The following CSMD2 variants were observed in gnomAD, a reference collection of about 807,000 sequenced individuals.
CSMD2 encodes CUB and sushi domain-containing protein 2.
A neutral mutation model predicts 398.5 loss-of-function variants in CSMD2; 130 were observed. That is an observed-to-expected ratio of 0.33 (90% CI 0.28 to 0.38). CSMD2 has a LOEUF of 0.38. Ranked by LOEUF, CSMD2 falls within the 10% of genes least tolerant of loss-of-function variation. The probability of loss-of-function intolerance (pLI) is 1.00; values close to 1 mark genes in which losing one functional copy is unlikely to be tolerated. For missense variants in CSMD2, 3,829 were observed against 4,764.9 expected (o/e 0.80, Z 5.78); for synonymous variants, 1,828 against 1,908.5 (o/e 0.96, Z 1.10).
chr1:33,689,084 G>C (rs1645150424), intron 25 of CSMD2, among the ~76,000 whole-genome samples: 1 of 114,988 alleles, frequency 8.7e-6, no homozygotes, highest in East Asian at 2.5e-4. Flanking sequence ...AGGAGGGAAG[G>C]AGAGGAGGAG....
In CSMD2 at chr1:34,024,340, TTCC is replaced by T. The variant is rs771694139; in HGVS notation, c.517+8251_517+8253del. ...GCAGGCAGCTGCGTGAGAATGCTCC[TTCC>T]TCCTCATCACTGTTTCTCCTGACAC... is the stretch of plus-strand genomic sequence containing the variant. On this transcript the variant is annotated intron_variant, in intron 3 of 70. Coordinates refer to ENST00000373381, the MANE Select transcript of CSMD2 (RefSeq NM_001281956.2). 2.6e-5 allele frequency among the ~76,000 whole-genome samples: 4 copies of T among 152,262 alleles called. No individual in the cohort carries two copies. In the East Asian group the frequency reaches 7.7e-4, roughly 29 times the overall value.
At chr1:33,809,249 C>T (rs1251620537) in intron 10 of CSMD2, among the ~76,000 whole-genome samples, 2 of 143,016 alleles carry the variant, frequency 1.4e-5, no homozygotes, top group Non-Finnish European at 3.0e-5. Context: ...ACAGGCCAAG[C>T]TCACTAACAA....
intron 19 of CSMD2, among the ~76,000 whole-genome samples, chr1:33,720,467 G>T (rs1646323781): frequency 6.6e-6 from 1 of 152,180 alleles, no homozygotes; most frequent in South Asian, 2.1e-4. Flanking sequence ...AGGATGAAGG[G>T]CTGGCCAGGC....
At chr1:33,707,718 C>G (rs1645849741) in intron 22 of CSMD2, among the ~76,000 whole-genome samples, 1 of 149,510 alleles carries the variant, frequency 6.7e-6, no homozygotes, top group East Asian at 1.9e-4. Context: ...CACACACACA[C>G]ACACACACAC....
intron 25 of CSMD2, among the ~76,000 whole-genome samples, chr1:33,681,006 G>A (rs1410641894): frequency 8.3e-6 from 1 of 120,632 alleles, no homozygotes; most frequent in Admixed American, 1.2e-4. Context: ...CCCACTATAA[G>A]CTCCGCCTCC....
intron 25 of CSMD2, among the ~76,000 whole-genome samples, chr1:33,678,462 A>G: frequency 6.6e-6 from 1 of 152,164 alleles, no homozygotes; most frequent in East Asian, 1.9e-4. Context: ...TCACCACTGC[A>G]GGAACACAAT....
chr1:33,583,571 A>C, intron 47 of CSMD2, 71 bp downstream of exon 47: 13 of 1,467,396 alleles, frequency 8.9e-6, no homozygotes, highest in Non-Finnish European at 1.1e-5. Flanking sequence ...ACTGCAGCAC[A>C]GACTCCTCGG....
intron 13 of CSMD2, among the ~76,000 whole-genome samples, chr1:33,753,164 T>C (rs1648495494): frequency 6.6e-6 from 1 of 152,208 alleles, no homozygotes; most frequent in South Asian, 2.1e-4. Context: ...TTAGCATTAC[T>C]GAAAGGGAGC....
intron 13 of CSMD2, among the ~76,000 whole-genome samples, chr1:33,760,977 A>G (rs940099095): frequency 3.9e-5 from 6 of 152,140 alleles, no homozygotes; most frequent in African/African-American, 1.2e-4. Flanking sequence ...AGGAATGAAC[A>G]GGTAACTCCA....
rs1052138847 is a variant in CSMD2 at position 33,819,922 on chromosome 1, G to A, written c.1200-85C>T. The A allele has an allele frequency of 9.7e-6, 15 of 1,549,154 alleles. No individual in the cohort carries two copies. In the Admixed American group the frequency reaches 1.1e-4, roughly 12 times the overall value. On this transcript the variant is annotated intron_variant, in intron 8 of 70. Transcript: ENST00000373381. ...TCCTTCCTGGTTCCACAAAGAAGCC[G>A]CACATGTTATTTTTCCTTCTGGCCC...
intron 1 of CSMD2, among the ~76,000 whole-genome samples, chr1:34,150,075 C>CTTTTTTTTT (rs201785327): frequency 1.0e-4 from 12 of 119,620 alleles, no homozygotes; most frequent in Non-Finnish European, 2.0e-4. Context: ...CATTTTTCTT[C>CTTTTTTTTT]TTTCTTTTTT....
At chr1:33,968,354 CTGGTGTTCA>C (rs1024178531) in intron 3 of CSMD2, among the ~76,000 whole-genome samples, 5 of 152,208 alleles carry the variant, frequency 3.3e-5, no homozygotes, top group African/African-American at 1.2e-4. Flanking sequence ...CCTCTAGCAT[CTGGTGTTCA>C]TGGCTTCTTG....
intron 3 of CSMD2, among the ~76,000 whole-genome samples, chr1:33,947,124 T>C (rs1204667928): frequency 6.6e-6 from 1 of 152,166 alleles, no homozygotes; most frequent in East Asian, 1.9e-4. Context: ...AGGAGGAGGC[T>C]CTGAACCTGG....
At chr1:33,859,973 T>C (rs1415700795) in intron 5 of CSMD2, among the ~76,000 whole-genome samples, 2 of 152,184 alleles carry the variant, frequency 1.3e-5, no homozygotes, top group Non-Finnish European at 2.9e-5. Context: ...AAAAATGTTA[T>C]TTTGAAATAA....
chr1:34,096,548 G>A, intron 1 of CSMD2, among the ~76,000 whole-genome samples: 1 of 141,504 alleles, frequency 7.1e-6, no homozygotes, highest in African/African-American at 2.7e-5. Flanking sequence ...AAGCTGATAA[G>A]CAACTTCAGC....
intron 25 of CSMD2, among the ~76,000 whole-genome samples, chr1:33,663,640 C>T (rs1250144870): frequency 2.0e-5 from 3 of 152,150 alleles, no homozygotes; most frequent in Admixed American, 2.0e-4. Flanking sequence ...GTAGGCCTGG[C>T]TTAGATAATC....
At chr1:34,010,111 C>T (rs1457838862) in intron 3 of CSMD2, among the ~76,000 whole-genome samples, 17 of 152,192 alleles carry the variant, frequency 1.1e-4, no homozygotes, top group African/African-American at 4.8e-5. Flanking sequence ...TGCTGTAGAG[C>T]CTTCCTTGCC....
At chr1:34,007,206 CTGACCTCAGCCTCATGGAAG>C (rs1480098933) in intron 3 of CSMD2, among the ~76,000 whole-genome samples, 2 of 152,140 alleles carry the variant, frequency 1.3e-5, no homozygotes, top group Admixed American at 6.5e-5. Flanking sequence ...AGCATCACGC[CTGACCTCAGCCTCATGGAAG>C]TGACCTCAGC....
chr1:33,803,095 C>A (rs1312150357), intron 10 of CSMD2, among the ~76,000 whole-genome samples: 1 of 152,172 alleles, frequency 6.6e-6, no homozygotes, highest in Non-Finnish European at 1.5e-5. Flanking sequence ...AGACATTTGT[C>A]ATCGTTGCCA....
Sources: allele counts gnomAD v4.1 joint callset (sites outside exome capture counted in the v4.1 genomes callset), GRCh38; gene constraint gnomAD v4.1.1; transcripts MANE v1.5; gene names NCBI Gene and HGNC (gene_info 2026-07-23, HGNC 2026-07-21).